TMEM63C: variants seen among roughly 807,000 people sequenced by gnomAD.
TMEM63C encodes the protein transmembrane protein 63C, also known as osmosensitive cation channel TMEM63C.
A neutral mutation model predicts 99.2 loss-of-function variants in TMEM63C; 32 were observed. That is an observed-to-expected ratio of 0.32 (90% confidence interval 0.24 to 0.43). The LOEUF is 0.43. Among genes scored for constraint, TMEM63C ranks in the 20% least tolerant of loss-of-function variants. TMEM63C has a pLI of 1.00. For synonymous variants in TMEM63C, 376 were observed against 397.9 expected, an observed-to-expected ratio of 0.94 and a Z score of 0.66; for missense variants, 826 against 1,053.0, an observed-to-expected ratio of 0.78 and a Z score of 2.98.
chr14:77,240,884 G>A (rs1889158481), intron 13 of TMEM63C, among the ~76,000 whole-genome samples: 1 of 151,686 alleles, frequency 6.6e-6, no homozygotes, highest in African/African-American at 2.4e-5. Context: ...TTGACCTCAT[G>A]GTCCCTCTTC....
intron 1 of TMEM63C, among the ~76,000 whole-genome samples, chr14:77,203,032 T>C (rs1462348808): frequency 6.6e-6 from 1 of 152,224 alleles, no homozygotes; most frequent in Non-Finnish European, 1.5e-5. Context: ...TTTGGTTTTG[T>C]TGTTTTGTTT....
chr14:77,197,197 T>C (rs886429476), intron 1 of TMEM63C, among the ~76,000 whole-genome samples: 6 of 152,274 alleles, frequency 3.9e-5, no homozygotes, highest in Non-Finnish European at 8.8e-5. Flanking sequence ...AAGAAGATAC[T>C]ATCCTGCATG....
chr14:77,184,322 C>A (rs148460620), intron 1 of TMEM63C, among the ~76,000 whole-genome samples: 1 of 152,050 alleles, frequency 6.6e-6, no homozygotes, highest in Admixed American at 6.5e-5. Flanking sequence ...CCATCCCCAG[C>A]TGCCCATTAT....
chr14:77,253,529 G>C (rs1470525952), intron 23 of TMEM63C, among the ~76,000 whole-genome samples, 153 bp downstream of exon 23: 1 of 152,232 alleles, frequency 6.6e-6, no homozygotes, highest in African/African-American at 2.4e-5. Flanking sequence ...AATGGAGCAG[G>C]ACTTGGCCCA....
chr14:77,225,430 T>C lies in TMEM63C; in HGVS notation c.319T>C (p.Cys107Arg), dbSNP rs758654488. Residue 107 changes from cysteine to arginine, a missense_variant, in exon 6 of 24, where the codon TGT (cysteine) becomes CGT (arginine). Transcript: ENST00000298351. ...TTCTCTCCTTTCCCCGCAGGGATTCTGTTCCTGGTTCTTCAACAGCATAAC... is the reference window on the plus strand; with the variant it reads ...TTCTCTCCTTTCCCCGCAGGGATTCCGTTCCTGGTTCTTCAACAGCATAAC... ...LEMERRDKGF[C>R]SWFFNSITMK... The C allele has an allele frequency of 2.3e-5, 37 of 1,613,102 alleles. No homozygotes were observed. In the Admixed American group the frequency reaches 5.3e-4, roughly 23 times the overall value.
At chr14:77,216,683 C>G (rs913523631) in intron 2 of TMEM63C, among the ~76,000 whole-genome samples, 1 of 152,212 alleles carries the variant, frequency 6.6e-6, no homozygotes, top group African/African-American at 2.4e-5. Flanking sequence ...CACTCTTTCA[C>G]ATCCCCTATC....
At chr14:77,253,448 G>A in intron 23 of TMEM63C, 72 bp downstream of exon 23, 1 of 1,429,778 alleles carries the variant, frequency 7.0e-7, no homozygotes, top group Non-Finnish European at 9.6e-7. Flanking sequence ...GTGGCATTGT[G>A]GGGGATGCCA....
rs1273661712 is a variant in TMEM63C, at chr14:77,231,770, C to T, written c.493+40C>T. Reference sequence around the variant, plus strand: ...GCTGGCCCTGGGGCAGCAGCTGGACCTGAGAGGCAGCCAGGCAAGCCAGTC... The same window carrying T: ...GCTGGCCCTGGGGCAGCAGCTGGACTTGAGAGGCAGCCAGGCAAGCCAGTC... On this transcript the variant is annotated intron_variant, in intron 7 of 23. Coordinates refer to ENST00000298351, the MANE Select transcript of TMEM63C (RefSeq NM_020431.4). The T allele has an allele frequency of 1.9e-6, 3 of 1,549,614 alleles. No homozygotes were observed. In the Admixed American group the frequency reaches 5.9e-5, roughly 30 times the overall value.
intron 9 of TMEM63C, among the ~76,000 whole-genome samples, chr14:77,238,362 C>T (rs1889098144): frequency 6.6e-6 from 1 of 152,244 alleles, no homozygotes; most frequent in South Asian, 2.1e-4. Context: ...TCCACCCCAG[C>T]CTGATGGCAG....
chr14:77,183,620 G>T (rs1026438784), intron 1 of TMEM63C, among the ~76,000 whole-genome samples: 3 of 152,152 alleles, frequency 2.0e-5, no homozygotes, highest in Admixed American at 6.5e-5. Context: ...CGGATCGGGG[G>T]TTTGGGCCAG....
At position 77,202,665 on chromosome 14, in the gene TMEM63C, A is replaced by T. The variant is rs74070759; in HGVS notation, c.-76-10781A>T. Among the ~76,000 whole-genome samples, 1,312 of 152,204 alleles carry T rather than the reference A, an allele frequency of 8.6e-3. 24 individuals carry two copies. The highest frequency in any genetic ancestry group is 0.031 in the African/African-American group (1,281 of 41,510). The stretch of plus-strand genomic sequence containing the variant: ...GTTGGATTCAGGGGCCACCCTCATC[A>T]TGTATGACCTCATTTTAACAAATTA... On this transcript the variant is annotated intron_variant, in intron 1 of 23. Transcript: ENST00000298351.
intron 9 of TMEM63C, 124 bp downstream of exon 9, chr14:77,236,856 G>C: frequency 2.9e-6 from 2 of 697,326 alleles, no homozygotes; most frequent in Admixed American, 4.4e-5. Context: ...GATGGGAGGG[G>C]GCGGTTTCAC....
rs1336595497 is a variant in TMEM63C, at chr14:77,257,566, ACT to A, written c.*843_*844del. The A allele has an allele frequency of 1.3e-5, 2 of 152,098 alleles. No homozygotes were observed. Among genetic ancestry groups the A allele is most frequent in the African/African-American group, 2.4e-5 (1 of 41,380 alleles). The allele number at this position is 152,098 out of a possible 1,614,324, so 9.4% of individuals were successfully genotyped here. A position where few individuals can be genotyped will look rare whatever the true frequency, so the allele number is the denominator to read the frequency against. On this transcript the variant is annotated 3_prime_UTR_variant, in exon 24 of 24. Coordinates refer to ENST00000298351, the MANE Select transcript of TMEM63C (RefSeq NM_020431.4). The stretch of plus-strand genomic sequence containing the variant: ...ATGGAAGGGGGGTCTTCTCCCCAAA[ACT>A]CTGTGTGGTGGGAAACCAGCTATAC...
At chr14:77,232,432 C>T (rs566746028) in intron 7 of TMEM63C, among the ~76,000 whole-genome samples, 1 of 152,162 alleles carries the variant, frequency 6.6e-6, no homozygotes, top group Admixed American at 6.5e-5. Flanking sequence ...GGATTACAGG[C>T]ACCCGCCTCC....
chr14:77,250,430 CTTT>C (rs796757847), intron 21 of TMEM63C, among the ~76,000 whole-genome samples: 1 of 140,904 alleles, frequency 7.1e-6, no homozygotes. Context: ...TGTTTTCTTT[CTTT>C]TTTTTTTTTT....
rs568964289 is a variant in TMEM63C at position 77,186,129 on chromosome 14, A to G, written c.-77+4235A>G. The stretch of plus-strand genomic sequence containing the variant: ...CAGGTTCAAGCGATTCTCCTGCCTC[A>G]GCCTCCCGAGTAGCTGGGATTACAG... On this transcript the variant is annotated intron_variant, in intron 1 of 23. Transcript: ENST00000298351. 2.6e-5 allele frequency among the ~76,000 whole-genome samples: 4 copies of G among 151,860 alleles called. No homozygotes were observed. In the East Asian group the frequency reaches 7.8e-4, roughly 30 times the overall value.
intron 1 of TMEM63C, among the ~76,000 whole-genome samples, chr14:77,198,180 T>A (rs8007969): frequency 0.26 from 39,865 of 152,204 alleles, 5,755 homozygotes; most frequent in Admixed American, 0.39. Context: ...GACGTCATGG[T>A]CCTCATTCAT....
intron 1 of TMEM63C, among the ~76,000 whole-genome samples, chr14:77,201,518 A>G (rs1479695373): frequency 3.3e-5 from 5 of 152,112 alleles, no homozygotes; most frequent in Admixed American, 1.3e-4. Context: ...CTCCTGTTCT[A>G]TGGTCTAGGA....
chr14:77,182,998 G>C (rs937648016), intron 1 of TMEM63C, among the ~76,000 whole-genome samples: 2 of 152,052 alleles, frequency 1.3e-5, no homozygotes, highest in Non-Finnish European at 2.9e-5. Context: ...TTCTCTCTCC[G>C]GCCCCTGTCC....
Sources: gnomAD v4.1 joint callset for allele counts (sites outside exome capture counted in the v4.1 genomes callset) on GRCh38, gnomAD v4.1.1 for gene constraint, MANE v1.5 for transcripts, NCBI Gene and HGNC (gene_info 2026-07-23, HGNC 2026-07-21) for gene names.